SGCZ: variants seen among roughly 807,000 people sequenced by gnomAD.
SGCZ encodes the protein zeta-sarcoglycan.
A neutral mutation model predicts 41.3 loss-of-function variants in SGCZ; 40 were observed. The observed-to-expected ratio is 0.97, with a 90% CI of 0.75 to 1.26. The LOEUF is 1.26. Among genes scored for constraint, SGCZ ranks in the 50% most tolerant of loss-of-function variants. The probability of loss-of-function intolerance (pLI) is 0.00; values close to 1 mark genes in which losing one functional copy is unlikely to be tolerated. For synonymous variants in SGCZ, 206 were observed against 137.5 expected (o/e 1.50, Z -3.49); for missense variants, 552 against 369.8 (o/e 1.49, Z -4.04).
chr8:14,693,135 G>C (rs1329978357), intron 1 of SGCZ, among the ~76,000 whole-genome samples: 1 of 152,074 alleles, frequency 6.6e-6, no homozygotes, highest in Non-Finnish European at 1.5e-5. Flanking sequence ...TAAGTAAATT[G>C]TTAGATCTAT....
At chr8:14,958,595 G>C (rs960213396) in intron 1 of SGCZ, among the ~76,000 whole-genome samples, 1 of 152,040 alleles carries the variant, frequency 6.6e-6, no homozygotes, top group Non-Finnish European at 1.5e-5. Context: ...GATAATGAAA[G>C]AACATTCTAG....
At chr8:14,307,586 A>T (rs1223886205) in intron 3 of SGCZ, among the ~76,000 whole-genome samples, 1 of 152,126 alleles carries the variant, frequency 6.6e-6, no homozygotes, top group Non-Finnish European at 1.5e-5. Context: ...TTGCGGCATT[A>T]AAGTGGATCA....
In SGCZ at chr8:14,536,141, G is replaced by C. The variant is rs1226922829; in HGVS notation, c.234+18591C>G. Among the ~76,000 whole-genome samples, 4 of 151,762 alleles carry C rather than the reference G, an allele frequency of 2.6e-5. No individual in the cohort carries two copies. The East Asian group carries it at 7.7e-4, about 29-fold the overall frequency. On this transcript the variant is annotated intron_variant, in intron 2 of 7. Coordinates refer to ENST00000382080, the MANE Select transcript of SGCZ (RefSeq NM_139167.4). Reference sequence around the variant, plus strand: ...TGCATTTTGTTTAGCATATACATATGAAAAGTATTTTGAAGTATATCACAT... The same window carrying C: ...TGCATTTTGTTTAGCATATACATATCAAAAGTATTTTGAAGTATATCACAT...
At chr8:14,566,190 G>C (rs547873012) in intron 1 of SGCZ, among the ~76,000 whole-genome samples, 21 of 152,290 alleles carry the variant, frequency 1.4e-4, no homozygotes, top group African/African-American at 4.3e-4. Flanking sequence ...TGACTATTTA[G>C]ATAAAGAGAA....
At chr8:14,262,151 C>T (rs984458665) in intron 3 of SGCZ, among the ~76,000 whole-genome samples, 7 of 152,100 alleles carry the variant, frequency 4.6e-5, no homozygotes, top group Non-Finnish European at 2.9e-5. Flanking sequence ...ATTAAGGTAA[C>T]TTTGTTTAGA....
At chr8:14,626,254 A>T (rs1194202501) in intron 1 of SGCZ, among the ~76,000 whole-genome samples, 2 of 152,014 alleles carry the variant, frequency 1.3e-5, no homozygotes, top group Non-Finnish European at 2.9e-5. Context: ...CCAACCCACC[A>T]CCTAGGTATT....
chr8:14,527,355 G>A (rs1008155049), intron 2 of SGCZ, among the ~76,000 whole-genome samples: 5 of 152,092 alleles, frequency 3.3e-5, no homozygotes, highest in South Asian at 2.1e-4. Flanking sequence ...AGGCTAGAGC[G>A]CAGTGGCGCG....
At chr8:14,633,304 T>C (rs927427538) in intron 1 of SGCZ, among the ~76,000 whole-genome samples, 1 of 151,962 alleles carries the variant, frequency 6.6e-6, no homozygotes. Flanking sequence ...AGGTTTGAAT[T>C]TTAGCATTCT....
intron 4 of SGCZ, among the ~76,000 whole-genome samples, chr8:14,187,632 T>A (rs1412607327): frequency 1.3e-5 from 2 of 151,230 alleles, no homozygotes; most frequent in South Asian, 2.1e-4. Flanking sequence ...AAAGAATTAA[T>A]GATATTAAAG....
chr8:15,061,623 G>C (rs990316895), intron 1 of SGCZ, among the ~76,000 whole-genome samples: 1 of 151,988 alleles, frequency 6.6e-6, no homozygotes, highest in African/African-American at 2.4e-5. Context: ...TGAGAACTCA[G>C]TGCTCTTTCC....
intron 1 of SGCZ, among the ~76,000 whole-genome samples, chr8:14,726,311 C>CATATAT (rs1202306930): frequency 0.043 from 4,637 of 107,342 alleles, 214 homozygotes; most frequent in South Asian, 0.077. Context: ...TGTGTAAATA[C>CATATAT]ATATATATAT....
At chr8:14,251,020 G>A (rs576400106) in intron 3 of SGCZ, among the ~76,000 whole-genome samples, 3 of 152,130 alleles carry the variant, frequency 2.0e-5, no homozygotes, top group African/African-American at 7.2e-5. Context: ...CTGAGGTCAG[G>A]AGCTCAAGAC....
intron 1 of SGCZ, among the ~76,000 whole-genome samples, chr8:14,946,801 G>A (rs1009469621): frequency 2.7e-5 from 4 of 149,798 alleles, no homozygotes; most frequent in African/African-American, 9.8e-5. Flanking sequence ...TCAGCCCCCC[G>A]AGTAGCCAGA....
At chr8:15,206,901 G>A (rs953206382) in intron 1 of SGCZ, among the ~76,000 whole-genome samples, 2 of 152,124 alleles carry the variant, frequency 1.3e-5, no homozygotes, top group Non-Finnish European at 2.9e-5. Flanking sequence ...ATGAAAGGTA[G>A]GATGGAGGAT....
At position 15,170,892 on chromosome 8, in the gene SGCZ, C is replaced by A. The variant is rs142422655; in HGVS notation, c.39+66693G>T. 3.5e-3 allele frequency among the ~76,000 whole-genome samples: 530 copies of A among 152,212 alleles called. 3 individuals carry two copies. The highest frequency in any genetic ancestry group is 0.012 in the African/African-American group (503 of 41,510). ...TTCGTTTAATGCAACAAAAGAGGCACAGTTGTGTAATCCAGTGAAATGTTT... is the reference window on the plus strand; with the variant it reads ...TTCGTTTAATGCAACAAAAGAGGCAAAGTTGTGTAATCCAGTGAAATGTTT... On this transcript the variant is annotated intron_variant, in intron 1 of 7. Coordinates refer to ENST00000382080, the MANE Select transcript of SGCZ (RefSeq NM_139167.4).
intron 1 of SGCZ, among the ~76,000 whole-genome samples, chr8:14,851,322 T>C (rs1023955153): frequency 5.8e-5 from 7 of 120,926 alleles, no homozygotes; most frequent in Non-Finnish European, 1.1e-4. Context: ...TAAGCCAAGA[T>C]CATGCCACTG....
At position 14,455,455 on chromosome 8, in the gene SGCZ, T is replaced by TACAC. The variant is rs5889534; in HGVS notation, c.234+99273_234+99276dup. On this transcript the variant is annotated intron_variant, in intron 2 of 7. Transcript: ENST00000382080. ...AGTGTTGAAGGGACATTTGCATGCA[T>TACAC]ACACACACACACACACACACACACA... Among the ~76,000 whole-genome samples the TACAC allele has an allele frequency of 8.1e-3, 1,167 of 144,422 alleles. 9 individuals carry two copies. The highest frequency in any genetic ancestry group is 0.021 in the African/African-American group (815 of 39,512). 94.7% of individuals were successfully genotyped at this position (144,422 alleles called of 152,430 possible). A position where few individuals can be genotyped will look rare whatever the true frequency, so the allele number is the denominator to read the frequency against.
rs185193613 is a variant in SGCZ, at chr8:14,901,080, G to T, written c.39+336505C>A. ...AAGAATGCTTACTCAAAGGAAGAGA[G>T]CTTGAACTCCTGTTATTCTGAAACT... On this transcript the variant is annotated intron_variant, in intron 1 of 7. Coordinates refer to ENST00000382080, the MANE Select transcript of SGCZ (RefSeq NM_139167.4). Among the ~76,000 whole-genome samples, 545 of 152,268 alleles carry T rather than the reference G, an allele frequency of 3.6e-3. 5 individuals are homozygous for T. The highest frequency in any genetic ancestry group is 0.013 in the African/African-American group (526 of 41,562).
At chr8:14,838,673 G>A (rs766937448) in intron 1 of SGCZ, among the ~76,000 whole-genome samples, 44 of 152,186 alleles carry the variant, frequency 2.9e-4, no homozygotes, top group Admixed American at 5.9e-4. Flanking sequence ...CTGCTACCTG[G>A]ACCAAAACTG....
Sources: gnomAD v4.1 joint callset for allele counts (sites outside exome capture counted in the v4.1 genomes callset) on GRCh38, gnomAD v4.1.1 for gene constraint, MANE v1.5 for transcripts, NCBI Gene and HGNC (gene_info 2026-07-23, HGNC 2026-07-21) for gene names.